UBE3C: variants seen among roughly 807,000 people sequenced by gnomAD.
UBE3C encodes ubiquitin-protein ligase E3C.
In UBE3C, 42 loss-of-function variants were observed where a neutral mutation model predicts 129.4. The ratio of observed to expected loss-of-function variants is 0.32; its 90% CI spans 0.25 to 0.42. The LOEUF (loss-of-function observed/expected upper bound fraction) is 0.42, where lower values mean the gene tolerates loss of function less well. UBE3C is among the 10% of genes least tolerant of loss of function. UBE3C has a pLI of 1.00. For missense variants in UBE3C, 1,049 were observed against 1,319.1 expected, an observed-to-expected ratio of 0.80 and a Z score of 3.17; for synonymous variants, 510 against 492.4, an observed-to-expected ratio of 1.04 and a Z score of -0.47.
intron 1 of UBE3C, among the ~76,000 whole-genome samples, chr7:157,147,304 T>G (rs1443954264): frequency 6.6e-6 from 1 of 152,246 alleles, no homozygotes; most frequent in Non-Finnish European, 1.5e-5. Flanking sequence ...TGAATGGTAT[T>G]GTGTTTCAGT....
intron 1 of UBE3C, among the ~76,000 whole-genome samples, chr7:157,140,700 G>A (rs920729854): frequency 6.6e-6 from 1 of 152,112 alleles, no homozygotes; most frequent in Non-Finnish European, 1.5e-5. Context: ...ACAGCGCCGC[G>A]CGGCCTCTGT....
chr7:157,160,237 G>C (rs933667843), intron 1 of UBE3C, among the ~76,000 whole-genome samples: 2 of 152,014 alleles, frequency 1.3e-5, no homozygotes, highest in Non-Finnish European at 2.9e-5. Flanking sequence ...ACCACGCCCA[G>C]CTGATTTTTG....
At chr7:157,262,226 G>C (rs1182790599) in intron 22 of UBE3C, among the ~76,000 whole-genome samples, 1 of 151,230 alleles carries the variant, frequency 6.6e-6, no homozygotes, top group Non-Finnish European at 1.5e-5. Context: ...TTCTCCTTTG[G>C]TTCTCATTCT....
intron 6 of UBE3C, 93 bp from the exon 7 acceptor site, chr7:157,181,425 G>T: frequency 1.7e-6 from 2 of 1,156,546 alleles, no homozygotes; most frequent in Non-Finnish European, 1.2e-6. Context: ...GTTTGGACCT[G>T]TAGAGATGGT....
chr7:157,198,264 G>T, intron 10 of UBE3C: 1 of 1,103,160 alleles, frequency 9.1e-7, no homozygotes, highest in Non-Finnish European at 1.4e-6. Flanking sequence ...TGACATTGAG[G>T]TGGTGTCCGT....
At position 157,178,759 on chromosome 7, in the gene UBE3C, G is replaced by A. The variant is rs78015355; in HGVS notation, c.528G>A (p.Ser176=). The change falls in exon 6 of 23, where the codon TCG becomes TCA. Residue 176 remains serine (S), a synonymous_variant. Coordinates refer to ENST00000348165, the MANE Select transcript of UBE3C (RefSeq NM_014671.3). ...ALPMRMLEVF[S]SENTYLPVLQ... is the part of the protein sequence containing the mutation. ...CAATGAGAATGCTTGAAGTATTTTC[G>A]TCTGAGAATACTTACTTGCCTGTTT... The A allele has an allele frequency of 2.8e-4, 457 of 1,614,114 alleles. 2 individuals are homozygous for A. In the East Asian group the frequency reaches 6.6e-3, roughly 23 times the overall value.
chr7:157,187,599 A>G (rs1216644620), intron 10 of UBE3C, among the ~76,000 whole-genome samples: 5 of 148,108 alleles, frequency 3.4e-5, no homozygotes, highest in South Asian at 2.1e-4. Context: ...TTTTTTTGAG[A>G]TGGAGTCTTG....
chr7:157,218,957 T>C (rs1795661056), intron 14 of UBE3C, among the ~76,000 whole-genome samples: 1 of 152,168 alleles, frequency 6.6e-6, no homozygotes, highest in Non-Finnish European at 1.5e-5. Flanking sequence ...AAAGAAGTAC[T>C]CAAGCATTTA....
intron 22 of UBE3C, among the ~76,000 whole-genome samples, chr7:157,265,204 A>G (rs1408078343): frequency 3.3e-5 from 5 of 152,172 alleles, no homozygotes; most frequent in Admixed American, 3.3e-4. Flanking sequence ...TTTCGTGTAC[A>G]CGTGTGCAGG....
At chr7:157,241,558 C>T (rs566915615) in intron 18 of UBE3C, among the ~76,000 whole-genome samples, 2 of 152,302 alleles carry the variant, frequency 1.3e-5, no homozygotes, top group Admixed American at 6.5e-5. Flanking sequence ...AACCAGGAAC[C>T]GCAGGGTTGG....
chr7:157,159,415 CT>C (rs1351372690), intron 1 of UBE3C, among the ~76,000 whole-genome samples: 1 of 152,036 alleles, frequency 6.6e-6, no homozygotes, highest in African/African-American at 2.4e-5. Flanking sequence ...CAGTCTCCCC[CT>C]ACCCTGTTTT....
rs767351069 is a variant in UBE3C, at chr7:157,248,538, G to C, written c.2652G>C (p.Gly884=). The change falls in exon 19 of 23, where the codon GGG becomes GGC. Residue 884 remains glycine (G), a synonymous_variant. Coordinates refer to ENST00000348165, the MANE Select transcript of UBE3C (RefSeq NM_014671.3). ...KSYEDDVEEL[G]LNFTVVNNDL... ...ACGAAGACGATGTGGAGGAGCTTGG[G>C]CTGAACTTCACTGTGGTGAACAATG... is the stretch of plus-strand genomic sequence containing the variant. 30 of 1,612,646 alleles carry C rather than the reference G, an allele frequency of 1.9e-5. No individual in the cohort carries two copies. The highest frequency in any genetic ancestry group is 2.5e-5 in the Non-Finnish European group (29 of 1,180,040).
intron 10 of UBE3C, chr7:157,188,989 GA>G: frequency 1.6e-6 from 1 of 609,468 alleles, no homozygotes; most frequent in African/African-American, 1.8e-5. Context: ...CCCTGACATG[GA>G]AAGATTTCCG....
At chr7:157,170,498 C>G in intron 4 of UBE3C, 48 bp downstream of exon 4, 1 of 1,435,056 alleles carries the variant, frequency 7.0e-7, no homozygotes, top group Non-Finnish European at 9.2e-7. Context: ...ACGTGTTCTG[C>G]TTTTTTGTTT....
At chr7:157,186,240 A>G (rs1808801446) in intron 9 of UBE3C, among the ~76,000 whole-genome samples, 1 of 152,142 alleles carries the variant, frequency 6.6e-6, no homozygotes, top group Admixed American at 6.5e-5. Context: ...CCTGACCAAC[A>G]TGGTGAAACC....
At chr7:157,221,128 TG>T in intron 15 of UBE3C, 1 of 198,502 alleles carries the variant, frequency 5.0e-6, no homozygotes, top group South Asian at 1.3e-4. Context: ...TATTCCAGTG[TG>T]GGGATGCACC....
chr7:157,141,462 C>G (rs1586637088), intron 1 of UBE3C, among the ~76,000 whole-genome samples: 1 of 152,294 alleles, frequency 6.6e-6, no homozygotes, highest in East Asian at 1.9e-4. Flanking sequence ...GCCAGTGTTG[C>G]CCACTGCACA....
chr7:157,266,142 G>A (rs1055976882), intron 22 of UBE3C, among the ~76,000 whole-genome samples: 60 of 152,026 alleles, frequency 3.9e-4, no homozygotes, highest in African/African-American at 1.4e-3. Flanking sequence ...GTGAAACCCC[G>A]TCTCTACTAA....
chr7:157,226,465 G>A (rs79772278), intron 17 of UBE3C, among the ~76,000 whole-genome samples: 3,957 of 152,230 alleles, frequency 0.026, 194 homozygotes, highest in African/African-American at 0.091. Flanking sequence ...CAATGCCGAG[G>A]GGATTAAAAT....
Sources: allele counts gnomAD v4.1 joint callset (sites outside exome capture counted in the v4.1 genomes callset), GRCh38; gene constraint gnomAD v4.1.1; transcripts MANE v1.5; gene names NCBI Gene and HGNC (gene_info 2026-07-23, HGNC 2026-07-21).